R3HDM2: variants seen among roughly 807,000 people sequenced by gnomAD.
The protein encoded by R3HDM2 is R3H domain containing 2.
In R3HDM2, 38 loss-of-function variants were observed where a neutral mutation model predicts 124.5. The observed-to-expected ratio is 0.31, with a 90% confidence interval of 0.24 to 0.40. The LOEUF (loss-of-function observed/expected upper bound fraction) is 0.40, where lower values mean the gene tolerates loss of function less well. R3HDM2 is among the 10% of genes least tolerant of loss of function. The pLI is 1.00. For synonymous variants in R3HDM2, 391 were observed against 448.0 expected (o/e 0.87, Z 1.61); for missense variants, 869 against 1,236.9 (o/e 0.70, Z 4.46).
intron 2 of R3HDM2, among the ~76,000 whole-genome samples, chr12:57,340,948 T>G (rs979896986): frequency 1.1e-4 from 16 of 151,726 alleles, no homozygotes; most frequent in African/African-American, 3.6e-4. Context: ...TAAGAGTATA[T>G]ATAACAATTT....
intron 2 of R3HDM2, among the ~76,000 whole-genome samples, chr12:57,359,638 C>G (rs946583346): frequency 1.3e-5 from 2 of 152,104 alleles, no homozygotes; most frequent in African/African-American, 4.8e-5. Flanking sequence ...TAGATGCAAT[C>G]TGATAATTTT....
At chr12:57,407,354 G>A (rs1193555352) in intron 1 of R3HDM2, among the ~76,000 whole-genome samples, 2 of 151,986 alleles carry the variant, frequency 1.3e-5, no homozygotes, top group African/African-American at 4.8e-5. Flanking sequence ...AAAAAATCAT[G>A]ATACAATCAG....
intron 2 of R3HDM2, among the ~76,000 whole-genome samples, chr12:57,328,731 T>C (rs1220087952): frequency 6.6e-6 from 1 of 152,114 alleles, no homozygotes; most frequent in African/African-American, 2.4e-5. Context: ...AATTAAGGTA[T>C]GTACTTTTTT....
At chr12:57,394,189 C>T (rs999862198) in intron 2 of R3HDM2, among the ~76,000 whole-genome samples, 5 of 151,356 alleles carry the variant, frequency 3.3e-5, no homozygotes, top group Admixed American at 6.6e-5. Flanking sequence ...CCCAGCCACT[C>T]GAGAGGCTGT....
chr12:57,318,677 AAG>A (rs1204113806), intron 2 of R3HDM2, among the ~76,000 whole-genome samples: 1 of 152,114 alleles, frequency 6.6e-6, no homozygotes, highest in Non-Finnish European at 1.5e-5. Flanking sequence ...AGAAAAAAGA[AAG>A]AAAGAAATAA....
intron 1 of R3HDM2, among the ~76,000 whole-genome samples, chr12:57,412,793 C>G (rs530999222): frequency 6.6e-6 from 1 of 151,828 alleles, no homozygotes; most frequent in Admixed American, 6.6e-5. Context: ...ATCACAAGGT[C>G]AGGAGTTCGA....
Position 57,266,795 on chromosome 12 carries a change from C to T in R3HDM2, c.2067G>A (p.Glu689=). Residue 689 remains glutamate (E), a synonymous_variant, in exon 19 of 24, where the codon GAG becomes GAA. Transcript: ENST00000402412. ...AGGGAGACTGAGGCATCTGGTACTGCTCAGAGCCAGGGGGTTGCAGAAACC... is the reference window on the plus strand; with the variant it reads ...AGGGAGACTGAGGCATCTGGTACTGTTCAGAGCCAGGGGGTTGCAGAAACC... ...SVGFLQPPGS[E]QYQMPQSPSP... 1 of 1,610,636 alleles carries T rather than the reference C, an allele frequency of 6.2e-7. No homozygotes were observed. Among genetic ancestry groups the T allele is most frequent in the Non-Finnish European group, 8.5e-7 (1 of 1,177,098 alleles).
chr12:57,342,543 C>T (rs1320335167), intron 2 of R3HDM2, among the ~76,000 whole-genome samples: 4 of 152,014 alleles, frequency 2.6e-5, no homozygotes, highest in Non-Finnish European at 4.4e-5. Flanking sequence ...CCCCTCCCAC[C>T]TCCTCTTCTC....
chr12:57,330,673 T>C (rs1021127002), intron 2 of R3HDM2, among the ~76,000 whole-genome samples: 5 of 148,800 alleles, frequency 3.4e-5, no homozygotes, highest in Non-Finnish European at 7.4e-5. Flanking sequence ...AGTGATTTTT[T>C]GTGGCATCTT....
chr12:57,388,374 TAAAG>T (rs893524467), intron 2 of R3HDM2, among the ~76,000 whole-genome samples: 1 of 152,138 alleles, frequency 6.6e-6, no homozygotes, highest in African/African-American at 2.4e-5. Flanking sequence ...CAGTTGTAGG[TAAAG>T]AAAGGCATAT....
chr12:57,338,617 C>T (rs1383622292), intron 2 of R3HDM2, among the ~76,000 whole-genome samples: 1 of 152,048 alleles, frequency 6.6e-6, no homozygotes, highest in Non-Finnish European at 1.5e-5. Context: ...GTCTCGAACC[C>T]CAGACCTCAA....
chr12:57,285,028 C>T (rs2047013471), intron 12 of R3HDM2, among the ~76,000 whole-genome samples: 1 of 152,080 alleles, frequency 6.6e-6, no homozygotes, highest in African/African-American at 2.4e-5. Flanking sequence ...CCCCACATCC[C>T]CAACAACTAA....
At chr12:57,363,776 G>A (rs1318930881) in intron 2 of R3HDM2, among the ~76,000 whole-genome samples, 1 of 151,914 alleles carries the variant, frequency 6.6e-6, no homozygotes, top group African/African-American at 2.4e-5. Flanking sequence ...GGAGGCTGAG[G>A]TTGGAGGACT....
At chr12:57,340,304 T>C (rs1475354700) in intron 2 of R3HDM2, among the ~76,000 whole-genome samples, 1 of 152,200 alleles carries the variant, frequency 6.6e-6, no homozygotes, top group Non-Finnish European at 1.5e-5. Context: ...CCAGCAACGA[T>C]TAATGAGGGT....
At chr12:57,312,223 G>T (rs1368133123) in intron 2 of R3HDM2, among the ~76,000 whole-genome samples, 3 of 152,076 alleles carry the variant, frequency 2.0e-5, no homozygotes, top group Non-Finnish European at 4.4e-5. Context: ...GGTAAGAAGG[G>T]TAAGACCCAG....
At chr12:57,417,758 C>T (rs554110951) in intron 1 of R3HDM2, among the ~76,000 whole-genome samples, 6 of 152,250 alleles carry the variant, frequency 3.9e-5, no homozygotes, top group Admixed American at 6.5e-5. Flanking sequence ...GAATATAGCA[C>T]GTGATGGGAA....
At chr12:57,385,522 A>G (rs1263855436) in intron 2 of R3HDM2, among the ~76,000 whole-genome samples, 2 of 151,936 alleles carry the variant, frequency 1.3e-5, no homozygotes, top group South Asian at 2.1e-4. Flanking sequence ...GATTACAGGC[A>G]TGAGCCACCA....
chr12:57,285,440 A>G (rs948961869), intron 12 of R3HDM2, among the ~76,000 whole-genome samples: 2 of 140,294 alleles, frequency 1.4e-5, no homozygotes, highest in African/African-American at 2.5e-5. Context: ...ACTGAGAGAG[A>G]GAGAGAGTGT....
At chr12:57,319,096 C>A (rs1475658458) in intron 2 of R3HDM2, among the ~76,000 whole-genome samples, 2 of 152,118 alleles carry the variant, frequency 1.3e-5, no homozygotes, top group Non-Finnish European at 2.9e-5. Flanking sequence ...CTCCATTTTT[C>A]TTTTTCTTTT....
Sources: gnomAD v4.1 joint callset for allele counts (sites outside exome capture counted in the v4.1 genomes callset) on GRCh38, gnomAD v4.1.1 for gene constraint, MANE v1.5 for transcripts, NCBI Gene and HGNC (gene_info 2026-07-23, HGNC 2026-07-21) for gene names.